Variants in SLC44A5 observed in about 807,000 individuals in gnomAD.
SLC44A5 encodes the protein choline transporter-like protein 5.
SLC44A5 carries 57 observed loss-of-function variants against 101.8 expected under a neutral mutation model. The ratio of observed to expected loss-of-function variants is 0.56; its 90% CI spans 0.45 to 0.70. The LOEUF is 0.70. Ranked by LOEUF, SLC44A5 falls within the 30% of genes least tolerant of loss-of-function variation. The pLI is 0.00. For missense variants in SLC44A5, 737 were observed against 853.1 expected, an observed-to-expected ratio of 0.86 and a Z score of 1.70; for synonymous variants, 281 against 290.9, an observed-to-expected ratio of 0.97 and a Z score of 0.35.
chr1:75,400,496 C>T (rs946452186), intron 2 of SLC44A5, among the ~76,000 whole-genome samples: 4 of 152,274 alleles, frequency 2.6e-5, no homozygotes, highest in South Asian at 2.1e-4. Context: ...CCAAAGGTTA[C>T]GCATTTTTAA....
chr1:75,218,745 T>C lies in SLC44A5; in HGVS notation c.1274A>G (p.Asn425Ser). The C allele has an allele frequency of 6.2e-7, 1 of 1,609,482 alleles. No individual in the cohort carries two copies. Among genetic ancestry groups the C allele is most frequent in the Non-Finnish European group, 8.5e-7 (1 of 1,178,122 alleles). Reference sequence around the variant, plus strand: ...GCAAGCTTTGGCAATTTCAGTTGTATTAAAAATCTGCATTGAGAAAAAGGA... The same window carrying C: ...GCAAGCTTTGGCAATTTCAGTTGTACTAAAAATCTGCATTGAGAAAAAGGA... ...ENQTCDPEIF[N>S]TTEIAKACPG... The change falls in exon 17 of 24, where the codon AAT becomes AGT. Residue 425 changes from asparagine (N) to serine (S), a missense_variant. Coordinates refer to ENST00000370859, the MANE Select transcript of SLC44A5 (RefSeq NM_001130058.2).
chr1:75,265,781 G>A (rs928171523), intron 6 of SLC44A5, among the ~76,000 whole-genome samples: 5 of 152,118 alleles, frequency 3.3e-5, no homozygotes, highest in Non-Finnish European at 7.4e-5. Context: ...TTAACCTCAT[G>A]GGGCCAGGTA....
chr1:75,478,417 T>C (rs903873567), intron 2 of SLC44A5, among the ~76,000 whole-genome samples: 1 of 152,160 alleles, frequency 6.6e-6, no homozygotes, highest in Non-Finnish European at 1.5e-5. Context: ...ACTTTAAATG[T>C]AAATGGACTA....
rs1858629 is a variant in SLC44A5 at position 75,438,467 on chromosome 1, A to G, written c.14-41846T>C. ...ATCTCTATAACCACCACCAAAACACAGCACAACATAGAACAAATCCAGGAG... is the reference window on the plus strand; with the variant it reads ...ATCTCTATAACCACCACCAAAACACGGCACAACATAGAACAAATCCAGGAG... On this transcript the variant is annotated intron_variant, in intron 2 of 23. Transcript: ENST00000370859. Among the ~76,000 whole-genome samples the G allele has an allele frequency of 3.4e-3, 511 of 152,252 alleles. 5 individuals are homozygous for G. The highest frequency in any genetic ancestry group is 0.011 in the African/African-American group (470 of 41,562).
upstream of SLC44A5, among the ~76,000 whole-genome samples, chr1:75,613,962 A>G (rs1256937540): frequency 1.3e-5 from 2 of 152,082 alleles, no homozygotes; most frequent in Non-Finnish European, 2.9e-5. Context: ...CAAGGGTAAG[A>G]TTTTCTCTGG....
At chr1:75,649,091 G>A in the SLC44A5 span, among the ~76,000 whole-genome samples, 2 of 152,174 alleles carry the variant, frequency 1.3e-5, no homozygotes, top group Non-Finnish European at 2.9e-5. Flanking sequence ...CAGCAAAATG[G>A]TAATGTTGCA....
chr1:75,553,621 C>T (rs2101987218), intron 1 of SLC44A5, among the ~76,000 whole-genome samples: 1 of 152,246 alleles, frequency 6.6e-6, no homozygotes, highest in Admixed American at 6.5e-5. Context: ...AAAGGTATGT[C>T]AATAAAAGAT....
the SLC44A5 span, among the ~76,000 whole-genome samples, chr1:75,624,809 C>G: frequency 0.016 from 2,377 of 152,190 alleles, 63 homozygotes; most frequent in African/African-American, 0.054. Context: ...TATGATGTTC[C>G]TTTGAACACA....
At chr1:75,372,984 C>CA (rs914217156) in intron 3 of SLC44A5, among the ~76,000 whole-genome samples, 21 of 152,178 alleles carry the variant, frequency 1.4e-4, no homozygotes, top group African/African-American at 4.8e-4. Flanking sequence ...GATTTTACTT[C>CA]AAAAAATGTA....
At chr1:75,407,074 C>T (rs1359969872) in intron 2 of SLC44A5, among the ~76,000 whole-genome samples, 1 of 151,998 alleles carries the variant, frequency 6.6e-6, no homozygotes, top group African/African-American at 2.4e-5. Flanking sequence ...AACAGACAAA[C>T]AGAGAGCCCA....
At chr1:75,713,895 C>T in the SLC44A5 span, among the ~76,000 whole-genome samples, 11 of 151,782 alleles carry the variant, frequency 7.2e-5, no homozygotes, top group East Asian at 1.2e-3. Context: ...CTTAACCTCC[C>T]GGGCTCGAGC....
chr1:75,515,277 G>A (rs1386908053), intron 2 of SLC44A5, among the ~76,000 whole-genome samples: 2 of 152,002 alleles, frequency 1.3e-5, no homozygotes, highest in African/African-American at 4.8e-5. Flanking sequence ...TAATGTTTTT[G>A]TGGTAAGAAC....
At chr1:75,360,419 CT>C (rs1315343673) in intron 3 of SLC44A5, among the ~76,000 whole-genome samples, 1 of 151,622 alleles carries the variant, frequency 6.6e-6, no homozygotes, top group Non-Finnish European at 1.5e-5. Flanking sequence ...ATCCTCCCAC[CT>C]TGGCCTCTCA....
At chr1:75,213,051 C>T (rs1432049371) in intron 22 of SLC44A5, among the ~76,000 whole-genome samples, 3 of 152,174 alleles carry the variant, frequency 2.0e-5, no homozygotes, top group Non-Finnish European at 4.4e-5. Context: ...GGTCCAGCCT[C>T]TTTGCCAGAA....
chr1:75,498,647 C>T (rs1668794254), intron 2 of SLC44A5, among the ~76,000 whole-genome samples: 1 of 152,124 alleles, frequency 6.6e-6, no homozygotes, highest in African/African-American at 2.4e-5. Flanking sequence ...TTCTCTTTCT[C>T]ACTAAAGTCA....
At chr1:75,419,479 A>T (rs936609581) in intron 2 of SLC44A5, among the ~76,000 whole-genome samples, 10 of 152,152 alleles carry the variant, frequency 6.6e-5, no homozygotes, top group African/African-American at 2.4e-4. Context: ...GAGAAAAAAA[A>T]AAAGGACTGT....
At chr1:75,539,273 C>G (rs1557887332) in intron 2 of SLC44A5, among the ~76,000 whole-genome samples, 2 of 151,054 alleles carry the variant, frequency 1.3e-5, no homozygotes, top group African/African-American at 4.8e-5. Context: ...AACCACAATG[C>G]CTGTGGATAT....
chr1:75,374,549 A>G (rs950971498), intron 3 of SLC44A5, among the ~76,000 whole-genome samples: 11 of 152,156 alleles, frequency 7.2e-5, no homozygotes, highest in Non-Finnish European at 1.3e-4. Context: ...TGAGGAAGTC[A>G]TCTTTTGCCC....
At chr1:75,529,305 A>T (rs1205535300) in intron 2 of SLC44A5, among the ~76,000 whole-genome samples, 1 of 152,176 alleles carries the variant, frequency 6.6e-6, no homozygotes, top group Non-Finnish European at 1.5e-5. Flanking sequence ...TACCTTTGGG[A>T]TATGGGACAG....
Sources: gnomAD v4.1 joint callset for allele counts (sites outside exome capture counted in the v4.1 genomes callset) on GRCh38, gnomAD v4.1.1 for gene constraint, MANE v1.5 for transcripts, NCBI Gene and HGNC (gene_info 2026-07-23, HGNC 2026-07-21) for gene names.